The following MAP3K7CL variants were observed in gnomAD, a reference collection of about 807,000 sequenced individuals.
The protein encoded by MAP3K7CL is MAP3K7 C-terminal like.
A neutral mutation model predicts 18.6 loss-of-function variants in MAP3K7CL; 16 were observed. The observed-to-expected ratio is 0.86, with a 90% CI of 0.58 to 1.31. The LOEUF is 1.31. Ranked by LOEUF, MAP3K7CL falls within the 50% of genes most tolerant of loss-of-function variation. The pLI is 0.00. For missense variants in MAP3K7CL, 163 were observed against 174.4 expected (o/e 0.93, Z 0.37); for synonymous variants, 65 against 66.8 (o/e 0.97, Z 0.13).
At chr21:29,077,577 G>A (rs2085769343), upstream of MAP3K7CL, 1 of 156,070 alleles carries the variant, frequency 6.4e-6, no homozygotes, top group African/African-American at 2.4e-5. Context: ...CAGCGCAGTG[G>A]TGGGCTGAAG....
At chr21:29,115,416 C>G (rs922849936) in intron 4 of MAP3K7CL, among the ~76,000 whole-genome samples, 1 of 151,974 alleles carries the variant, frequency 6.6e-6, no homozygotes, top group Non-Finnish European at 1.5e-5. Context: ...AATCAACATT[C>G]TTTTTAGTAG....
chr21:29,082,807 C>T (rs1206974064), upstream of MAP3K7CL, among the ~76,000 whole-genome samples: 1 of 152,146 alleles, frequency 6.6e-6, no homozygotes, highest in Admixed American at 6.5e-5. Flanking sequence ...TTCCACCATT[C>T]ATTTACTTGG....
At chr21:29,165,895 G>C (rs1427346394) in intron 4 of MAP3K7CL, among the ~76,000 whole-genome samples, 2 of 152,168 alleles carry the variant, frequency 1.3e-5, no homozygotes, top group Non-Finnish European at 2.9e-5. Flanking sequence ...TGTAGTAATT[G>C]TACTTAGTTA....
intron 4 of MAP3K7CL, among the ~76,000 whole-genome samples, chr21:29,110,237 G>A (rs1284817088): frequency 6.6e-6 from 1 of 151,846 alleles, no homozygotes; most frequent in African/African-American, 2.4e-5. Context: ...ATATTTCTTT[G>A]CCACCATATC....
intron 4 of MAP3K7CL, among the ~76,000 whole-genome samples, chr21:29,104,220 C>T (rs1359003270): frequency 6.6e-6 from 1 of 152,134 alleles, no homozygotes; most frequent in Non-Finnish European, 1.5e-5. Context: ...GCATCAGCAC[C>T]AGCACAGACA....
upstream of MAP3K7CL, among the ~76,000 whole-genome samples, chr21:29,081,911 G>T (rs1367950220): frequency 6.6e-6 from 1 of 152,166 alleles, no homozygotes; most frequent in Non-Finnish European, 1.5e-5. Context: ...TTGATTCTGT[G>T]CATAGGAACC....
upstream of MAP3K7CL, among the ~76,000 whole-genome samples, chr21:29,125,850 A>G (rs1393767199): frequency 6.6e-6 from 1 of 152,254 alleles, no homozygotes; most frequent in East Asian, 1.9e-4. Context: ...GCACAAGACC[A>G]GCTCACAGTA....
At chr21:29,091,989 G>T (rs1429313045) in intron 3 of MAP3K7CL, among the ~76,000 whole-genome samples, 1 of 152,202 alleles carries the variant, frequency 6.6e-6, no homozygotes, top group Non-Finnish European at 1.5e-5. Context: ...ACATAATCCA[G>T]CTAGAATACT....
chr21:29,145,958 C>T (rs1346167933), intron 2 of MAP3K7CL, among the ~76,000 whole-genome samples: 1 of 152,072 alleles, frequency 6.6e-6, no homozygotes, highest in Middle Eastern at 3.4e-3. Flanking sequence ...GGTGACATGG[C>T]GTGACTATAA....
At chr21:29,102,373 T>C (rs139363278) in intron 4 of MAP3K7CL, 1 of 151,530 alleles carries the variant, frequency 6.6e-6, no homozygotes, top group African/African-American at 2.4e-5. Context: ...AAGTATATGG[T>C]GGAAACAAGC....
At chr21:29,097,953 T>C (rs957462365) in intron 4 of MAP3K7CL, among the ~76,000 whole-genome samples, 12 of 152,040 alleles carry the variant, frequency 7.9e-5, no homozygotes, top group African/African-American at 2.7e-4. Flanking sequence ...GAAGGAATTA[T>C]AGGGAAAAAA....
chr21:29,119,527 G>T (rs1342104256), intron 4 of MAP3K7CL, among the ~76,000 whole-genome samples: 2 of 152,136 alleles, frequency 1.3e-5, no homozygotes, highest in Non-Finnish European at 2.9e-5. Context: ...GTCCTGAAGG[G>T]CCATTTTACC....
At chr21:29,138,624 G>A (rs186451903) in intron 2 of MAP3K7CL, among the ~76,000 whole-genome samples, 8 of 152,006 alleles carry the variant, frequency 5.3e-5, no homozygotes, top group East Asian at 1.9e-4. Context: ...TTTTTGTTTC[G>A]CTTAGAAAGA....
intron 4 of MAP3K7CL, among the ~76,000 whole-genome samples, chr21:29,095,143 A>T (rs1601139673): frequency 4.2e-5 from 1 of 23,900 alleles, no homozygotes; most frequent in Non-Finnish European, 6.9e-5. Flanking sequence ...CATTCATTTA[A>T]AAAAAAAAAA....
chr21:29,138,740 G>C (rs574438894), intron 2 of MAP3K7CL, among the ~76,000 whole-genome samples: 2 of 152,236 alleles, frequency 1.3e-5, no homozygotes, highest in East Asian at 3.9e-4. Flanking sequence ...CCAGCACTCT[G>C]GGAAGCTGAG....
chr21:29,098,497 A>G (rs1019610035), intron 4 of MAP3K7CL, among the ~76,000 whole-genome samples: 1 of 152,234 alleles, frequency 6.6e-6, no homozygotes, highest in Non-Finnish European at 1.5e-5. Flanking sequence ...CTTGAGAAAA[A>G]AAGGAATGTG....
At chr21:29,162,451 G>A (rs942374692) in intron 4 of MAP3K7CL, among the ~76,000 whole-genome samples, 1 of 151,676 alleles carries the variant, frequency 6.6e-6, no homozygotes, top group African/African-American at 2.4e-5. Flanking sequence ...GGAGGCCGAG[G>A]CAGGCAGATC....
At chr21:29,157,576 ATAT>A (rs2087436918) in intron 3 of MAP3K7CL, among the ~76,000 whole-genome samples, 1 of 152,198 alleles carries the variant, frequency 6.6e-6, no homozygotes, top group South Asian at 2.1e-4. Context: ...AGTCTTGAAA[ATAT>A]TATTATGTAT....
chr21:29,087,088 C>G (rs1490736750), intron 1 of MAP3K7CL, among the ~76,000 whole-genome samples: 1 of 152,186 alleles, frequency 6.6e-6, no homozygotes, highest in Non-Finnish European at 1.5e-5. Flanking sequence ...TCTTTTTGTT[C>G]TTGTGACATG....
Sources: gnomAD v4.1 joint callset for allele counts (sites outside exome capture counted in the v4.1 genomes callset) on GRCh38, gnomAD v4.1.1 for gene constraint, MANE v1.5 for transcripts, NCBI Gene and HGNC (gene_info 2026-07-23, HGNC 2026-07-21) for gene names.